ARHGEF12: variants seen among roughly 807,000 people sequenced by gnomAD.
ARHGEF12 encodes Rho guanine nucleotide exchange factor 12.
Under a neutral mutation model 211.2 loss-of-function variants are expected in ARHGEF12, and 66 were observed. The ratio of observed to expected loss-of-function variants is 0.31; its 90% CI spans 0.26 to 0.38. ARHGEF12 has a LOEUF of 0.38. ARHGEF12 is among the 10% of genes least tolerant of loss of function. The probability of loss-of-function intolerance (pLI) is 1.00; values close to 1 mark genes in which losing one functional copy is unlikely to be tolerated. For synonymous variants in ARHGEF12, 592 were observed against 638.4 expected (o/e 0.93, Z 1.09); for missense variants, 1,429 against 1,869.5 (o/e 0.76, Z 4.34).
intron 11 of ARHGEF12, among the ~76,000 whole-genome samples, chr11:120,435,826 T>C (rs184549214): frequency 7.2e-5 from 11 of 152,300 alleles, no homozygotes; most frequent in African/African-American, 2.4e-4. Context: ...CCCAAGCTTT[T>C]GTGAAATGTT....
chr11:120,351,707 A>T (rs552587434), intron 1 of ARHGEF12, among the ~76,000 whole-genome samples: 1 of 151,816 alleles, frequency 6.6e-6, no homozygotes, highest in African/African-American at 2.4e-5. Context: ...CTGACCTCAG[A>T]TGATCTGCCC....
intron 31 of ARHGEF12, among the ~76,000 whole-genome samples, chr11:120,473,335 G>A (rs1012381737): frequency 2.0e-5 from 3 of 152,114 alleles, no homozygotes; most frequent in Non-Finnish European, 2.9e-5. Flanking sequence ...GCATAAAACT[G>A]TAATATTACA....
rs1947369585 is a variant in ARHGEF12 at position 120,485,298 on chromosome 11, T to A, written c.*221T>A. Reference sequence around the variant, plus strand: ...TGTGAGGGAATATCCATTCCCTCACTCTACTCTCCTCACTATCGGAAATTC... The same window carrying A: ...TGTGAGGGAATATCCATTCCCTCACACTACTCTCCTCACTATCGGAAATTC... On this transcript the variant is annotated 3_prime_UTR_variant, in exon 41 of 41. Coordinates refer to ENST00000397843, the MANE Select transcript of ARHGEF12 (RefSeq NM_015313.3). 2 of 479,390 alleles carry A rather than the reference T, an allele frequency of 4.2e-6. No individual in the cohort carries two copies. Among genetic ancestry groups the A allele is most frequent in the African/African-American group, 1.9e-5 (1 of 51,578 alleles). The allele number at this position is 479,390 out of a possible 1,614,324, so 29.7% of individuals were successfully genotyped here.
chr11:120,486,438 C>T lies in ARHGEF12; in HGVS notation c.*1361C>T, dbSNP rs1365740783. On this transcript the variant is annotated 3_prime_UTR_variant, in exon 41 of 41. Coordinates refer to ENST00000397843, the MANE Select transcript of ARHGEF12 (RefSeq NM_015313.3). ...GACACTGCAGGCAAGGTGTTGGTAA[C>T]TGCCTGCTCTAGGATGAATAGTAGC... The T allele has an allele frequency of 4.3e-6, 1 of 231,830 alleles. No homozygotes were observed. Among genetic ancestry groups the T allele is most frequent in the Non-Finnish European group, 8.5e-6 (1 of 117,068 alleles). The allele number at this position is 231,830 out of a possible 1,614,324, so 14.4% of individuals were successfully genotyped here. A position where few individuals can be genotyped will look rare whatever the true frequency, so the allele number is the denominator to read the frequency against.
chr11:120,367,630 C>T lies in ARHGEF12; in HGVS notation c.32+30355C>T, dbSNP rs1009142302. On this transcript the variant is annotated intron_variant, in intron 1 of 40. Coordinates refer to ENST00000397843, the MANE Select transcript of ARHGEF12 (RefSeq NM_015313.3). ...CTGCCCACCTTGGCCTCCCAAAGTG[C>T]TGGGATTACAGGCGTGAGCCACCAC... 3.3e-5 allele frequency among the ~76,000 whole-genome samples: 5 copies of T among 152,136 alleles called. No individual in the cohort carries two copies. In the South Asian group the frequency reaches 6.3e-4, roughly 19 times the overall value.
chr11:120,358,450 TAAGATGG>T (rs1943188660), intron 1 of ARHGEF12, among the ~76,000 whole-genome samples: 1 of 152,066 alleles, frequency 6.6e-6, no homozygotes, highest in Non-Finnish European at 1.5e-5. Context: ...GGCTGACTGA[TAAGATGG>T]AAGATGGAGA....
chr11:120,388,175 CT>C (rs1347617213), intron 1 of ARHGEF12, among the ~76,000 whole-genome samples: 2 of 151,996 alleles, frequency 1.3e-5, no homozygotes, highest in African/African-American at 4.8e-5. Context: ...TGCTTTCTTT[CT>C]TGTCATTATA....
rs1234009979 is a variant in ARHGEF12, at chr11:120,457,148, C to A, written c.2087C>A (p.Pro696His). ...GSKQVGETSA[P>H]GDTLDGTPRT... ...AAGCAAGTTGGAGAAACATCAGCAC[C>A]TGGAGACACCTTAGATGGCACACCT... The change falls in exon 23 of 41, where the codon CCT becomes CAT. Residue 696 changes from proline (P) to histidine (H), a missense_variant. This residue lies in a region of ARHGEF12 where 373 missense variants were observed against 467.5 expected (regional missense o/e 0.80). Coordinates refer to ENST00000397843, the MANE Select transcript of ARHGEF12 (RefSeq NM_015313.3). 6.2e-7 allele frequency: 1 copy of A among 1,613,990 alleles called. No homozygotes were observed. The highest frequency in any genetic ancestry group is 1.3e-5 in the African/African-American group (1 of 75,026).
At chr11:120,409,859 A>G (rs1461029107) in intron 4 of ARHGEF12, 1 of 158,622 alleles carries the variant, frequency 6.3e-6, no homozygotes, top group Non-Finnish European at 1.4e-5. Context: ...TCCTCTAAGT[A>G]TAATACTGGT....
chr11:120,357,026 G>T (rs75832875), intron 1 of ARHGEF12, among the ~76,000 whole-genome samples: 4,252 of 148,714 alleles, frequency 0.029, 198 homozygotes, highest in African/African-American at 0.099. Flanking sequence ...TTTTTTTTTT[G>T]TTTTGTTTTG....
chr11:120,428,514 T>A (rs1945422963), intron 8 of ARHGEF12, among the ~76,000 whole-genome samples: 4 of 152,192 alleles, frequency 2.6e-5, no homozygotes, highest in Admixed American at 6.5e-5. Context: ...AAGATTATAG[T>A]CATCTTAGAA....
At chr11:120,378,345 T>C (rs1363532893) in intron 1 of ARHGEF12, among the ~76,000 whole-genome samples, 1 of 152,212 alleles carries the variant, frequency 6.6e-6, no homozygotes, top group Non-Finnish European at 1.5e-5. Context: ...TTTTAAGAAG[T>C]TGGCTTGTCT....
At chr11:120,352,109 A>G (rs1942997333) in intron 1 of ARHGEF12, among the ~76,000 whole-genome samples, 1 of 152,192 alleles carries the variant, frequency 6.6e-6, no homozygotes, top group Non-Finnish European at 1.5e-5. Flanking sequence ...AAAATTTAAT[A>G]ACTACATCTT....
chr11:120,440,052 T>C, intron 12 of ARHGEF12, 77 bp from the exon 13 acceptor site: 1 of 1,002,310 alleles, frequency 1.0e-6, no homozygotes, highest in Non-Finnish European at 1.5e-6. Flanking sequence ...CATGTCTTTT[T>C]GATGGGTTGG....
rs575785927 is a variant in ARHGEF12, at chr11:120,428,133, C to T, written c.471C>T (p.Ala157=). The T allele has an allele frequency of 1.2e-5, 20 of 1,608,788 alleles. No individual in the cohort carries two copies. Among genetic ancestry groups the T allele is most frequent in the South Asian group, 6.7e-5 (6 of 89,420 alleles). Residue 157 remains alanine, a synonymous_variant, in exon 8 of 41, where the codon GCC becomes GCT. Transcript: ENST00000397843. ...CTGGGTCGCCCCAGATTCCACTTGC[C>T]GACTCTGAAGTAGAGCCGTCAGTCA... ...RPPGSPQIPL[A]DSEVEPSVIG...
Position 120,485,936 on chromosome 11 carries a change from T to C in ARHGEF12, c.*859T>C. ...GGAAAGCAAATTTTATTTTCTTGAC[T>C]ATAAATTTGTTATTCTTGGTATCAT... is the stretch of plus-strand genomic sequence containing the variant. On this transcript the variant is annotated 3_prime_UTR_variant, in exon 41 of 41. Coordinates refer to ENST00000397843, the MANE Select transcript of ARHGEF12 (RefSeq NM_015313.3). The C allele has an allele frequency of 4.3e-6, 1 of 233,594 alleles. No homozygotes were observed. The allele number at this position is 233,594 out of a possible 1,614,324, so 14.5% of individuals were successfully genotyped here. A position where few individuals can be genotyped will look rare whatever the true frequency, so the allele number is the denominator to read the frequency against.
intron 1 of ARHGEF12, among the ~76,000 whole-genome samples, chr11:120,364,810 G>A (rs1943378341): frequency 6.9e-6 from 1 of 145,004 alleles, no homozygotes; most frequent in African/African-American, 2.6e-5. Flanking sequence ...TCTAGGACAT[G>A]TACCAATTTT....
rs565587864 is a variant in ARHGEF12 at position 120,352,551 on chromosome 11, T to A, written c.32+15276T>A. 1.7e-4 allele frequency among the ~76,000 whole-genome samples: 26 copies of A among 152,382 alleles called. No individual in the cohort carries two copies. In the South Asian group the frequency reaches 5.4e-3, roughly 32 times the overall value. On this transcript the variant is annotated intron_variant, in intron 1 of 40. Transcript: ENST00000397843. ...GTTTATATTTTCTGCCATTTAAAGATAAAAAGGTTTTATCTTTTATAGCTA... is the reference window on the plus strand; with the variant it reads ...GTTTATATTTTCTGCCATTTAAAGAAAAAAAGGTTTTATCTTTTATAGCTA...
At chr11:120,433,663 A>G (rs1945611245) in intron 11 of ARHGEF12, among the ~76,000 whole-genome samples, 1 of 152,230 alleles carries the variant, frequency 6.6e-6, no homozygotes, top group Non-Finnish European at 1.5e-5. Context: ...CTTATAAAAG[A>G]GTGAATTGTT....
Sources: allele counts gnomAD v4.1 joint callset (sites outside exome capture counted in the v4.1 genomes callset), GRCh38; gene constraint gnomAD v4.1.1; regional missense constraint gnomAD v4.1.1; transcripts MANE v1.5; gene names NCBI Gene and HGNC (gene_info 2026-07-23, HGNC 2026-07-21).